Variants in NXPE2 observed in about 807,000 individuals in gnomAD.
NXPE2 encodes NXPE family member 2.
NXPE2 carries 34 observed loss-of-function variants against 34.4 expected under a neutral mutation model. The ratio of observed to expected loss-of-function variants is 0.99; its 90% CI spans 0.75 to 1.31. The LOEUF (loss-of-function observed/expected upper bound fraction) is 1.31. NXPE2 is among the 40% of genes most tolerant of loss of function. The probability of loss-of-function intolerance (pLI) is 0.00; values close to 1 mark genes in which losing one functional copy is unlikely to be tolerated. For synonymous variants in NXPE2, 235 were observed against 231.3 expected (o/e 1.02, Z -0.15); for missense variants, 649 against 672.5 (o/e 0.97, Z 0.39).
chr11:114,636,704 C>T, the NXPE2 span, among the ~76,000 whole-genome samples: 4 of 151,938 alleles, frequency 2.6e-5, no homozygotes, highest in East Asian at 1.9e-4. Context: ...TTATTTCTGC[C>T]TTCATTTCGT....
chr11:114,497,199 A>G, the NXPE2 span, among the ~76,000 whole-genome samples: 1 of 152,292 alleles, frequency 6.6e-6, no homozygotes, highest in East Asian at 1.9e-4. Flanking sequence ...GACCCTGTGT[A>G]GGCCTAGAGT....
the NXPE2 span, among the ~76,000 whole-genome samples, chr11:114,527,383 ATATT>A: frequency 6.6e-6 from 1 of 152,250 alleles, no homozygotes; most frequent in Non-Finnish European, 1.5e-5. Flanking sequence ...GGTAGTATAA[ATATT>A]CTTTCATAAG....
the NXPE2 span, among the ~76,000 whole-genome samples, chr11:114,525,060 C>G: frequency 1.3e-5 from 2 of 152,038 alleles, no homozygotes; most frequent in Admixed American, 1.3e-4. Context: ...TACATCCCAT[C>G]TGAACCACCC....
the NXPE2 span, among the ~76,000 whole-genome samples, chr11:114,607,588 T>C: frequency 1.6e-4 from 25 of 151,908 alleles, 1 homozygote; most frequent in African/African-American, 5.8e-4. Context: ...CAGTGGATAA[T>C]AAGTCATGCC....
At chr11:114,766,049 ACACCATGT>A in the NXPE2 span, among the ~76,000 whole-genome samples, 1 of 152,072 alleles carries the variant, frequency 6.6e-6, no homozygotes, top group African/African-American at 2.4e-5. Flanking sequence ...CTCCCTCAAT[ACACCATGT>A]TTCTTCCAGT....
At chr11:114,568,105 T>C in the NXPE2 span, among the ~76,000 whole-genome samples, 1 of 152,162 alleles carries the variant, frequency 6.6e-6, no homozygotes, top group Non-Finnish European at 1.5e-5. Context: ...AGTGCTAACT[T>C]CTGAGAATTA....
At chr11:114,611,593 G>A in the NXPE2 span, among the ~76,000 whole-genome samples, 56 of 150,478 alleles carry the variant, frequency 3.7e-4, no homozygotes, top group African/African-American at 1.3e-3. Flanking sequence ...GTGTTGTGTC[G>A]TGGGTCACAA....
chr11:114,495,560 T>C, the NXPE2 span, among the ~76,000 whole-genome samples: 1 of 151,708 alleles, frequency 6.6e-6, no homozygotes, highest in Non-Finnish European at 1.5e-5. Context: ...TTACTCTTCC[T>C]TCTTTCCTCA....
chr11:114,648,898 G>GTACTTAA, the NXPE2 span, among the ~76,000 whole-genome samples: 3 of 152,160 alleles, frequency 2.0e-5, no homozygotes, highest in East Asian at 5.8e-4. Context: ...TAAATACTAT[G>GTACTTAA]ATACGAAGTC....
the NXPE2 span, among the ~76,000 whole-genome samples, chr11:114,494,931 C>G: frequency 5.3e-5 from 8 of 152,342 alleles, no homozygotes; most frequent in East Asian, 1.5e-3. Flanking sequence ...AGGGCACACC[C>G]TAAACCCAGT....
At chr11:114,740,906 A>G in the NXPE2 span, among the ~76,000 whole-genome samples, 150 of 152,304 alleles carry the variant, frequency 9.8e-4, no homozygotes, top group Admixed American at 8.2e-3. Context: ...TGACTCCTTA[A>G]TCATCAAATA....
chr11:114,697,506 T>G (rs926555632), intron 2 of NXPE2, among the ~76,000 whole-genome samples: 3 of 152,216 alleles, frequency 2.0e-5, no homozygotes, highest in African/African-American at 7.2e-5. Flanking sequence ...TCACTAAATT[T>G]GTGATGCTTT....
At chr11:114,553,344 A>G in the NXPE2 span, among the ~76,000 whole-genome samples, 2 of 152,150 alleles carry the variant, frequency 1.3e-5, no homozygotes, top group African/African-American at 4.8e-5. Context: ...GAATCTACCT[A>G]TCTTGGATTG....
the NXPE2 span, among the ~76,000 whole-genome samples, chr11:114,488,232 G>A: frequency 3.3e-5 from 5 of 152,096 alleles, no homozygotes; most frequent in Non-Finnish European, 7.4e-5. Context: ...AATATTGGGA[G>A]GTTTTACGTG....
downstream of NXPE2, among the ~76,000 whole-genome samples, chr11:114,709,058 A>G (rs767763142): frequency 7.2e-5 from 11 of 152,208 alleles, no homozygotes; most frequent in African/African-American, 2.7e-4. Flanking sequence ...AAGAGGGTCT[A>G]TTATTTCTCT....
At chr11:114,538,038 G>C in the NXPE2 span, among the ~76,000 whole-genome samples, 3 of 151,962 alleles carry the variant, frequency 2.0e-5, no homozygotes, top group Admixed American at 2.0e-4. Flanking sequence ...ATACTACAAG[G>C]CTACAGTAAC....
chr11:114,807,008 C>A, the NXPE2 span, among the ~76,000 whole-genome samples: 1 of 152,040 alleles, frequency 6.6e-6, no homozygotes, highest in South Asian at 2.1e-4. Context: ...AGAAACTCTA[C>A]GAGCCAGAAG....
chr11:114,804,027 C>T, the NXPE2 span, among the ~76,000 whole-genome samples: 1 of 152,160 alleles, frequency 6.6e-6, no homozygotes, highest in Non-Finnish European at 1.5e-5. Context: ...AACATTCAGA[C>T]CATAGCAGTC....
the NXPE2 span, among the ~76,000 whole-genome samples, chr11:114,514,287 A>G: frequency 2.6e-5 from 4 of 152,208 alleles, no homozygotes; most frequent in Non-Finnish European, 5.9e-5. Context: ...TTGCTATTAC[A>G]GTATTGAAAG....
Sources: gnomAD v4.1 joint callset for allele counts (sites outside exome capture counted in the v4.1 genomes callset) on GRCh38, gnomAD v4.1.1 for gene constraint, MANE v1.5 for transcripts, NCBI Gene and HGNC (gene_info 2026-07-23, HGNC 2026-07-21) for gene names.